The following BCAP29 variants were observed in gnomAD, a reference collection of about 807,000 sequenced individuals.
BCAP29 encodes the protein B cell receptor associated protein 29, also known as B-cell receptor-associated protein 29.
BCAP29 carries 34 observed loss-of-function variants against 31.8 expected under a neutral mutation model. The observed-to-expected ratio is 1.07, with a 90% CI of 0.81 to 1.42. The LOEUF (loss-of-function observed/expected upper bound fraction) is 1.42. Ranked by LOEUF, BCAP29 falls within the 40% of genes most tolerant of loss-of-function variation. BCAP29 has a pLI of 0.00. For synonymous variants in BCAP29, 104 were observed against 91.3 expected (o/e 1.14, Z -0.79); for missense variants, 314 against 269.2 (o/e 1.17, Z -1.16).
intron 3 of BCAP29, among the ~76,000 whole-genome samples, chr7:107,591,026 G>C (rs1808644261): frequency 6.6e-6 from 1 of 151,928 alleles, no homozygotes; most frequent in South Asian, 2.1e-4. Context: ...CCTTTTCTAA[G>C]TACACCAAGA....
chr7:107,595,721 A>T, intron 4 of BCAP29, 146 bp from the exon 5 acceptor site: 1 of 781,134 alleles, frequency 1.3e-6, no homozygotes, highest in East Asian at 3.3e-5. Flanking sequence ...AAGAGACTTG[A>T]ATTAAAAAAA....
chr7:107,593,553 T>TAG (rs1479185744), intron 3 of BCAP29, among the ~76,000 whole-genome samples: 1 of 152,218 alleles, frequency 6.6e-6, no homozygotes, highest in Non-Finnish European at 1.5e-5. Context: ...AATGCTAGTG[T>TAG]AGTAAGAGAA....
At chr7:107,594,489 T>TTTG (rs145040097) in intron 4 of BCAP29, among the ~76,000 whole-genome samples, 4 of 149,484 alleles carry the variant, frequency 2.7e-5, no homozygotes, top group Admixed American at 6.7e-5. Context: ...CCTACTGTAG[T>TTTG]TTTGTTTGTT....
intron 6 of BCAP29, among the ~76,000 whole-genome samples, chr7:107,610,926 A>T (rs978909689): frequency 1.3e-5 from 2 of 152,202 alleles, no homozygotes; most frequent in Non-Finnish European, 2.9e-5. Context: ...CTTAATAGAA[A>T]GTACTCTAGA....
chr7:107,596,356 C>G (rs1809811265), intron 5 of BCAP29, among the ~76,000 whole-genome samples: 1 of 152,026 alleles, frequency 6.6e-6, no homozygotes, highest in African/African-American at 2.4e-5. Context: ...ATAACTGTTT[C>G]TATTTCTTTT....
chr7:107,602,586 G>T (rs760821531), intron 6 of BCAP29, among the ~76,000 whole-genome samples: 8 of 151,768 alleles, frequency 5.3e-5, no homozygotes, highest in Non-Finnish European at 7.4e-5. Context: ...AGGAAAATAG[G>T]GTGTTTTCCA....
chr7:107,610,480 G>A (rs1320522262), intron 6 of BCAP29, among the ~76,000 whole-genome samples: 1 of 152,130 alleles, frequency 6.6e-6, no homozygotes. Context: ...AGATGCAGTT[G>A]CAAAAGGAGG....
chr7:107,603,807 T>C (rs1332934760), intron 6 of BCAP29, among the ~76,000 whole-genome samples: 1 of 151,834 alleles, frequency 6.6e-6, no homozygotes, highest in Non-Finnish European at 1.5e-5. Flanking sequence ...GGGTCTCGCT[T>C]TGCTACTTAG....
At chr7:107,611,171 C>T (rs1370886605) in intron 6 of BCAP29, among the ~76,000 whole-genome samples, 1 of 152,162 alleles carries the variant, frequency 6.6e-6, no homozygotes, top group East Asian at 1.9e-4. Flanking sequence ...CCTAATCACT[C>T]CCCAGCCACG....
intron 4 of BCAP29, among the ~76,000 whole-genome samples, chr7:107,595,259 G>A (rs1393046264): frequency 2.6e-5 from 4 of 152,208 alleles, no homozygotes; most frequent in Admixed American, 1.3e-4. Context: ...ATTCATGGTT[G>A]TAATTAAATA....
At chr7:107,598,021 A>C (rs542068279) in intron 5 of BCAP29, among the ~76,000 whole-genome samples, 1 of 152,280 alleles carries the variant, frequency 6.6e-6, no homozygotes, top group Non-Finnish European at 1.5e-5. Flanking sequence ...TTCAGATTTC[A>C]GTGTTCTTGG....
chr7:107,581,726 C>T (rs1563123297), intron 2 of BCAP29, among the ~76,000 whole-genome samples: 1 of 152,146 alleles, frequency 6.6e-6, no homozygotes, highest in African/African-American at 2.4e-5. Context: ...AAAGTTTCAC[C>T]TTAGCTCAGG....
At chr7:107,608,200 TA>T (rs58620528) in intron 6 of BCAP29, among the ~76,000 whole-genome samples, 4,703 of 144,340 alleles carry the variant, frequency 0.033, 205 homozygotes, top group African/African-American at 0.1. Flanking sequence ...ATGAGTGGAT[TA>T]AAAAAAAAAA....
Position 107,618,506 on chromosome 7 carries a change from A to G in BCAP29, c.*143A>G, listed in dbSNP as rs375907489. On this transcript the variant is annotated 3_prime_UTR_variant, in exon 8 of 8. Coordinates refer to ENST00000005259, the MANE Select transcript of BCAP29 (RefSeq NM_018844.4). ...CACACATAGGTTGTATTGTAATGGC[A>G]TTATCAAAATATTTGATGATGTTTC... The G allele has an allele frequency of 1.2e-5, 19 of 1,611,220 alleles. No homozygotes were observed. The African/African-American group carries it at 2.1e-4, about 18-fold the overall frequency.
intron 3 of BCAP29, among the ~76,000 whole-genome samples, chr7:107,588,502 G>A (rs1808123497): frequency 1.3e-5 from 2 of 152,190 alleles, no homozygotes; most frequent in South Asian, 4.1e-4. Flanking sequence ...TTTCTCCTGT[G>A]TTAAAAATTA....
intron 3 of BCAP29, among the ~76,000 whole-genome samples, chr7:107,586,745 T>G (rs1333260471): frequency 2.0e-5 from 3 of 147,268 alleles, no homozygotes; most frequent in Non-Finnish European, 3.0e-5. Context: ...TTTTTTTTTT[T>G]GTGACGGGGT....
intron 7 of BCAP29, chr7:107,613,873 C>T (rs1463281905): frequency 3.2e-6 from 2 of 621,302 alleles, no homozygotes; most frequent in African/African-American, 3.8e-5. Context: ...TCATTTACCT[C>T]CAAATGTTGA....
Position 107,618,731 on chromosome 7 carries a change from T to C in BCAP29, c.*368T>C. 1.4e-6 allele frequency: 1 copy of C among 711,464 alleles called. No individual in the cohort carries two copies. The highest frequency in any genetic ancestry group is 2.2e-6 in the Non-Finnish European group (1 of 444,966). The allele number at this position is 711,464 out of a possible 1,614,324, so 44.1% of individuals were successfully genotyped here. A position where few individuals can be genotyped will look rare whatever the true frequency, so the allele number is the denominator to read the frequency against. On this transcript the variant is annotated 3_prime_UTR_variant, in exon 8 of 8. Coordinates refer to ENST00000005259, the MANE Select transcript of BCAP29 (RefSeq NM_018844.4). ...ATAGCCTTGAAAGCTTTGATAAGTTTTCAGTAATAATAACCTATTTAATCA... is the reference window on the plus strand; with the variant it reads ...ATAGCCTTGAAAGCTTTGATAAGTTCTCAGTAATAATAACCTATTTAATCA...
Position 107,591,641 on chromosome 7 carries a change from T to TACACACACACACACACAC in BCAP29, c.194-2298_194-2297insACACACACACACACACAC, listed in dbSNP as rs924671499. 9.8e-4 allele frequency among the ~76,000 whole-genome samples: 41 copies of TACACACACACACACACAC among 41,824 alleles called. 3 individuals carry two copies. The highest frequency in any genetic ancestry group is 1.8e-3 in the African/African-American group (35 of 19,172). The allele number at this position is 41,824 out of a possible 152,430, so 27.4% of individuals were successfully genotyped here. ...TGTACCACTTTTCCCCATACACACATACACACACACACACACCCTATTGGT... is the reference window on the plus strand; with the variant it reads ...TGTACCACTTTTCCCCATACACACATACACACACACACACACACACACACACACACACACCCTATTGGT... On this transcript the variant is annotated intron_variant, in intron 3 of 7. Coordinates refer to ENST00000005259, the MANE Select transcript of BCAP29 (RefSeq NM_018844.4).
Sources: allele counts gnomAD v4.1 joint callset (sites outside exome capture counted in the v4.1 genomes callset), GRCh38; gene constraint gnomAD v4.1.1; transcripts MANE v1.5; gene names NCBI Gene and HGNC (gene_info 2026-07-23, HGNC 2026-07-21).